The following ANKFY1 variants were observed in gnomAD, a reference collection of about 807,000 sequenced individuals.
The protein encoded by ANKFY1 is ankyrin repeat and FYVE domain-containing protein 1.
Under a neutral mutation model 128.3 loss-of-function variants are expected in ANKFY1, and 47 were observed. The observed-to-expected ratio is 0.37, with a 90% CI of 0.29 to 0.47. The LOEUF (loss-of-function observed/expected upper bound fraction) is 0.47, where lower values mean the gene tolerates loss of function less well. ANKFY1 is among the 20% of genes least tolerant of loss of function. The probability of loss-of-function intolerance (pLI) is 1.00; values close to 1 mark genes in which losing one functional copy is unlikely to be tolerated. For missense variants in ANKFY1, 1,222 were observed against 1,510.6 expected (o/e 0.81, Z 3.17); for synonymous variants, 553 against 601.6 (o/e 0.92, Z 1.18).
intron 4 of ANKFY1, among the ~76,000 whole-genome samples, chr17:4,215,926 A>ACAC (rs1171243234): frequency 1.3e-5 from 2 of 152,236 alleles, no homozygotes; most frequent in African/African-American, 4.8e-5. Flanking sequence ...AAAACAAACA[A>ACAC]ACAAACAAAT....
At chr17:4,221,028 G>A (rs943501528) in intron 3 of ANKFY1, among the ~76,000 whole-genome samples, 2 of 152,166 alleles carry the variant, frequency 1.3e-5, no homozygotes, top group Non-Finnish European at 2.9e-5. Flanking sequence ...TTCTGACTTC[G>A]TTTCACTGCA....
At chr17:4,223,554 T>C (rs1171370093) in intron 3 of ANKFY1, 2 of 1,232,546 alleles carry the variant, frequency 1.6e-6, no homozygotes, top group Non-Finnish European at 2.4e-6. Context: ...GTCTGGTTAA[T>C]AACGAGTTTT....
intron 3 of ANKFY1, among the ~76,000 whole-genome samples, chr17:4,234,900 T>C (rs1057104883): frequency 5.9e-5 from 9 of 152,232 alleles, no homozygotes; most frequent in African/African-American, 2.2e-4. Context: ...AAATGAGCAC[T>C]ATGGTGAAGC....
intron 4 of ANKFY1, 77 bp from the exon 5 acceptor site, chr17:4,210,024 T>C: frequency 3.5e-6 from 5 of 1,442,940 alleles, no homozygotes; most frequent in Non-Finnish European, 4.8e-6. Context: ...CGATCATCTT[T>C]GTACTGGCTG....
intron 24 of ANKFY1, chr17:4,168,134 C>CTT (rs10684185): frequency 0.2 from 43,754 of 222,050 alleles, 4,981 homozygotes; most frequent in Admixed American, 0.23. Context: ...CTGAAGAAGG[C>CTT]TTTTTTTTTT....
rs773203744 is a variant in ANKFY1 at position 4,223,756 on chromosome 17, G to A, written c.323-6638C>T. ...TGGCCTGTTGCTGGGCCTTAGATCC[G>A]GGGGAGAGGCCCAAGTTTCAGCAGC... On this transcript the variant is annotated intron_variant, in intron 3 of 24. Coordinates refer to ENST00000341657, the MANE Select transcript of ANKFY1 (RefSeq NM_001330063.2). 53 of 1,565,160 alleles carry A rather than the reference G, an allele frequency of 3.4e-5. 1 individual carries two copies. Among genetic ancestry groups the A allele is most frequent in the South Asian group, 2.3e-4 (21 of 89,450 alleles).
chr17:4,198,945 C>T lies in ANKFY1; in HGVS notation c.899-1368G>A, dbSNP rs190696317. 2.1e-4 allele frequency among the ~76,000 whole-genome samples: 32 copies of T among 152,208 alleles called. 1 individual carries two copies. In the East Asian group the frequency reaches 3.9e-3, roughly 18 times the overall value. On this transcript the variant is annotated intron_variant, in intron 7 of 24. Coordinates refer to ENST00000341657, the MANE Select transcript of ANKFY1 (RefSeq NM_001330063.2). ...CTTTGGAAGGCCGAGGTGGGAGGAT[C>T]ACTTGAGCCCAAGAGTTCAAGACCA...
chr17:4,196,647 G>A lies in ANKFY1; in HGVS notation c.1103+726C>T, dbSNP rs76883030. 4.6e-3 allele frequency among the ~76,000 whole-genome samples: 694 copies of A among 152,338 alleles called. 3 individuals are homozygous for A. The highest frequency in any genetic ancestry group is 7.3e-3 in the Non-Finnish European group (498 of 68,026). On this transcript the variant is annotated intron_variant, in intron 8 of 24. Transcript: ENST00000341657. ...GTAGCAAGCTGTGCAGATAAAGTGG[G>A]AGTGTTTACGAGAAGGTAAAATTGG...
At chr17:4,208,161 T>C in intron 5 of ANKFY1, 79 bp from the exon 6 acceptor site, 1 of 1,422,440 alleles carries the variant, frequency 7.0e-7, no homozygotes, top group South Asian at 1.4e-5. Context: ...GCCTCTCAAA[T>C]GCATCAGTCA....
At chr17:4,209,708 G>A (rs1464269578) in intron 5 of ANKFY1, 116 bp downstream of exon 5, 5 of 1,172,218 alleles carry the variant, frequency 4.3e-6, no homozygotes, top group African/African-American at 1.5e-5. Context: ...TTCTTCAATT[G>A]TGTAACAAGA....
intron 3 of ANKFY1, chr17:4,223,502 G>A: frequency 1.7e-6 from 2 of 1,183,036 alleles, no homozygotes; most frequent in Non-Finnish European, 2.5e-6. Flanking sequence ...CACTGTCTGG[G>A]GGACAATGAA....
At chr17:4,218,565 G>A (rs117090102) in intron 3 of ANKFY1, among the ~76,000 whole-genome samples, 15 of 152,240 alleles carry the variant, frequency 9.9e-5, no homozygotes, top group Non-Finnish European at 2.1e-4. Flanking sequence ...TGAGCAACAT[G>A]GTGAAACCCT....
At chr17:4,182,740 T>C (rs756449878) in intron 14 of ANKFY1, among the ~76,000 whole-genome samples, 7 of 152,328 alleles carry the variant, frequency 4.6e-5, no homozygotes, top group Non-Finnish European at 8.8e-5. Context: ...TCCATGTCTT[T>C]TTCCCTCTCA....
rs2059238637 is a variant in ANKFY1, at chr17:4,167,873, G to A, written c.3416C>T (p.Thr1139Ile). 4.3e-6 allele frequency: 7 copies of A among 1,613,954 alleles called. No individual in the cohort carries two copies. Among genetic ancestry groups the A allele is most frequent in the Non-Finnish European group, 5.9e-6 (7 of 1,179,956 alleles). Residue 1139 changes from threonine (T) to isoleucine (I), a missense_variant, in exon 25 of 25, where the codon ACC becomes ATC. Physicochemically the swap from Thr to Ile is moderately conservative, Grantham distance 89 (BLOSUM62 -1). Coordinates refer to ENST00000341657, the MANE Select transcript of ANKFY1 (RefSeq NM_001330063.2). This position sits in a 1 kb window ranked among gnomAD's most constrained non-coding sequence, Gnocchi z 4.1. Reference protein sequence around the residue: ...CGRLLCHKCSTKEIPIIKFDL... With the variant: ...CGRLLCHKCSIKEIPIIKFDL... ...AAACTTTATAATAGGAATCTCCTTG[G>A]TCGAGCATTTATGGCAAAGAAGACG... is the stretch of plus-strand genomic sequence containing the variant.
At position 4,198,661 on chromosome 17, in the gene ANKFY1, C is replaced by G. The variant is rs141005113; in HGVS notation, c.899-1084G>C. 1.9e-3 allele frequency among the ~76,000 whole-genome samples: 288 copies of G among 152,172 alleles called. 1 individual carries two copies. Among genetic ancestry groups the G allele is most frequent in the African/African-American group, 6.8e-3 (282 of 41,516 alleles). Reference sequence around the variant, plus strand: ...TGCTGGGATTACAGATGTGAGCCACCGTGCCCGGCCTCTTTTTAGTTTTGT... The same window carrying G: ...TGCTGGGATTACAGATGTGAGCCACGGTGCCCGGCCTCTTTTTAGTTTTGT... On this transcript the variant is annotated intron_variant, in intron 7 of 24. Transcript: ENST00000341657.
At position 4,183,553 on chromosome 17, in the gene ANKFY1, T is replaced by C. The variant is rs1471232425; in HGVS notation, c.1799-2A>G. The C allele has an allele frequency of 6.2e-7, 1 of 1,611,776 alleles. No homozygotes were observed. Among genetic ancestry groups the C allele is most frequent in the Non-Finnish European group, 8.5e-7 (1 of 1,179,870 alleles). On this transcript the variant is annotated splice_acceptor_variant, in intron 13 of 24. Transcript: ENST00000341657. LOFTEE classifies it high-confidence loss of function. ...GCTGGGCTGCGATCGTGTGCATGCC[T>C]GGGAAACAAGCCCCGATCTCATCCA...
At chr17:4,202,705 A>AAAG in intron 7 of ANKFY1, among the ~76,000 whole-genome samples, 1 of 146,782 alleles carries the variant, frequency 6.8e-6, no homozygotes, top group African/African-American at 2.6e-5. Flanking sequence ...TCAAAAAAAA[A>AAAG]AAAAAAAAAA....
intron 2 of ANKFY1, among the ~76,000 whole-genome samples, chr17:4,242,037 C>T (rs1456016532): frequency 6.6e-6 from 1 of 150,852 alleles, no homozygotes; most frequent in African/African-American, 2.4e-5. Context: ...TGCAATGAGC[C>T]GTGATCTCAC....
At position 4,169,019 on chromosome 17, in the gene ANKFY1, CT is replaced by C; in HGVS notation, c.3377+178del. 1 of 580,642 alleles carries C rather than the reference CT, an allele frequency of 1.7e-6. No homozygotes were observed. 36.0% of individuals were successfully genotyped at this position (580,642 alleles called of 1,614,324 possible). On this transcript the variant is annotated intron_variant, in intron 24 of 24. Transcript: ENST00000341657. The surrounding 1 kb of genome is among the most constrained non-coding windows in gnomAD (Gnocchi z 5.0). The stretch of plus-strand genomic sequence containing the variant: ...CCCGTCTGCAGGCTCCCTGCCTTCC[CT>C]ACATCTCTGTTCCTCAGTAGGATCC...
Sources: allele counts gnomAD v4.1 joint callset (sites outside exome capture counted in the v4.1 genomes callset), GRCh38; gene constraint gnomAD v4.1.1; non-coding constraint Gnocchi (gnomAD v3.1); transcripts MANE v1.5; gene names NCBI Gene and HGNC (gene_info 2026-07-23, HGNC 2026-07-21).